Variants in CCDC91 observed in about 807,000 individuals in gnomAD.
CCDC91 encodes the protein coiled-coil domain containing 91.
A neutral mutation model predicts 63.2 loss-of-function variants in CCDC91; 48 were observed. The observed-to-expected ratio is 0.76, with a 90% CI of 0.60 to 0.97. CCDC91 has a LOEUF of 0.97. CCDC91 is among the 50% of genes least tolerant of loss of function. The pLI is 0.00. For missense variants in CCDC91, 500 were observed against 494.6 expected, an observed-to-expected ratio of 1.01 and a Z score of -0.10; for synonymous variants, 167 against 165.8, an observed-to-expected ratio of 1.01 and a Z score of -0.06.
At position 28,504,570 on chromosome 12, in the gene CCDC91, G is replaced by A. The variant is rs1162556150; in HGVS notation, c.1215+20405G>A. Among the ~76,000 whole-genome samples the A allele has an allele frequency of 7.9e-5, 12 of 151,712 alleles. No individual in the cohort carries two copies. The East Asian group carries it at 1.2e-3, about 15-fold the overall frequency. On this transcript the variant is annotated intron_variant, in intron 12 of 12. Transcript: ENST00000536442. ...ATATATTCAGAATCTGATATATATTGCTGTGAACTCTTATCAACTCTTGCT... is the reference window on the plus strand; with the variant it reads ...ATATATTCAGAATCTGATATATATTACTGTGAACTCTTATCAACTCTTGCT...
chr12:28,199,489 TAC>T (rs1341334017), intron 1 of CCDC91, among the ~76,000 whole-genome samples: 1 of 152,190 alleles, frequency 6.6e-6, no homozygotes, highest in Non-Finnish European at 1.5e-5. Flanking sequence ...CAACCAAACA[TAC>T]ATTTATATTT....
chr12:28,296,925 C>A (rs1246094673), intron 3 of CCDC91, among the ~76,000 whole-genome samples: 1 of 151,696 alleles, frequency 6.6e-6, no homozygotes, highest in Non-Finnish European at 1.5e-5. Flanking sequence ...GTGGGTTCAA[C>A]AACATAGACC....
chr12:28,423,673 A>G (rs1283095195), intron 8 of CCDC91, among the ~76,000 whole-genome samples: 1 of 152,152 alleles, frequency 6.6e-6, no homozygotes, highest in African/African-American at 2.4e-5. Context: ...TACAGTAAAA[A>G]CTTCTGCATC....
chr12:28,242,895 C>G lies in CCDC91; in HGVS notation c.-14-14307C>G, dbSNP rs113417682. ...GTTTAAAAGTGTGTAGCGCCTGCCC[C>G]CCTCTTGCTCCTACTTCTGACATGT... is the stretch of plus-strand genomic sequence containing the variant. On this transcript the variant is annotated intron_variant, in intron 1 of 12. Transcript: ENST00000536442. 2.0e-5 allele frequency among the ~76,000 whole-genome samples: 3 copies of G among 152,168 alleles called. 1 individual carries two copies. Among genetic ancestry groups the G allele is most frequent in the African/African-American group, 7.2e-5 (3 of 41,526 alleles).
intron 1 of CCDC91, among the ~76,000 whole-genome samples, chr12:28,216,495 G>A (rs767690541): frequency 6.6e-6 from 1 of 151,874 alleles, no homozygotes; most frequent in Non-Finnish European, 1.5e-5. Flanking sequence ...GGGAACTTAT[G>A]TGTAATGAAC....
chr12:28,291,737 A>AT (rs1189985527), intron 3 of CCDC91, among the ~76,000 whole-genome samples: 5 of 152,170 alleles, frequency 3.3e-5, no homozygotes, highest in East Asian at 1.9e-4. Context: ...CAAAATGATG[A>AT]TTTTTTTGAT....
At chr12:28,432,198 A>G (rs1469622696) in intron 8 of CCDC91, among the ~76,000 whole-genome samples, 1 of 152,014 alleles carries the variant, frequency 6.6e-6, no homozygotes, top group Non-Finnish European at 1.5e-5. Context: ...GCGCTGAATA[A>G]TAGTTCATTC....
intron 12 of CCDC91, among the ~76,000 whole-genome samples, chr12:28,516,597 C>T (rs1939974293): frequency 6.6e-6 from 1 of 151,816 alleles, no homozygotes; most frequent in Admixed American, 6.6e-5. Context: ...GAATGAGACC[C>T]TGTCTTAAAA....
chr12:28,441,057 CAAAAAAAAAA>C (rs60278449), intron 8 of CCDC91, among the ~76,000 whole-genome samples: 2 of 52,698 alleles, frequency 3.8e-5, no homozygotes, highest in South Asian at 1.2e-3. Context: ...GACTCCATCT[CAAAAAAAAAA>C]AAAAAAAAAA....
chr12:28,243,976 A>G (rs991668890), intron 1 of CCDC91, among the ~76,000 whole-genome samples: 4 of 152,216 alleles, frequency 2.6e-5, no homozygotes, highest in African/African-American at 7.2e-5. Flanking sequence ...ACAGATGACA[A>G]TTACAGATGT....
chr12:28,207,842 T>C (rs1942964146), intron 1 of CCDC91, among the ~76,000 whole-genome samples: 1 of 152,184 alleles, frequency 6.6e-6, no homozygotes, highest in African/African-American at 2.4e-5. Flanking sequence ...CATGAGTCCA[T>C]GCTTAACATT....
intron 3 of CCDC91, among the ~76,000 whole-genome samples, chr12:28,272,470 C>CTA (rs1947849048): frequency 7.0e-6 from 1 of 143,200 alleles, no homozygotes; most frequent in East Asian, 2.4e-4. Flanking sequence ...TGTCCATTAA[C>CTA]CTCTTTTTCA....
chr12:28,301,767 C>G (rs1938106278), intron 3 of CCDC91, among the ~76,000 whole-genome samples: 1 of 151,446 alleles, frequency 6.6e-6, no homozygotes, highest in Admixed American at 6.6e-5. Context: ...AATATTTAAT[C>G]AGATCAACTT....
intron 7 of CCDC91, among the ~76,000 whole-genome samples, chr12:28,382,844 A>T (rs1945375387): frequency 6.6e-6 from 1 of 152,044 alleles, no homozygotes; most frequent in Non-Finnish European, 1.5e-5. Flanking sequence ...GATTATGAAG[A>T]GGTTATTTTG....
At chr12:28,339,923 T>C (rs773074510) in intron 6 of CCDC91, among the ~76,000 whole-genome samples, 4 of 152,328 alleles carry the variant, frequency 2.6e-5, no homozygotes, top group African/African-American at 4.8e-5. Flanking sequence ...GTAATAGTTA[T>C]TGTGAGGATC....
intron 8 of CCDC91, among the ~76,000 whole-genome samples, chr12:28,438,028 A>G (rs1948998878): frequency 6.6e-6 from 1 of 152,188 alleles, no homozygotes; most frequent in South Asian, 2.1e-4. Context: ...ATTTTTAGGA[A>G]TAGGAATTGT....
chr12:28,256,888 A>G, intron 1 of CCDC91: 1 of 244,052 alleles, frequency 4.1e-6, no homozygotes, highest in South Asian at 6.1e-5. Flanking sequence ...GAATAGATGC[A>G]AAAAGCAGGA....
At chr12:28,499,623 G>GCGATAGTTTAC (rs1952514343) in intron 12 of CCDC91, among the ~76,000 whole-genome samples, 1 of 149,138 alleles carries the variant, frequency 6.7e-6, no homozygotes, top group Non-Finnish European at 1.5e-5. Flanking sequence ...TTCTGTTCTT[G>GCGATAGTTTAC]TGAGAATAAT....
chr12:28,481,801 CT>C (rs1371777059), intron 11 of CCDC91, among the ~76,000 whole-genome samples: 1 of 151,938 alleles, frequency 6.6e-6, no homozygotes, highest in Non-Finnish European at 1.5e-5. Context: ...TGTAAATGGT[CT>C]TTTGCCAGCT....
Sources: allele counts gnomAD v4.1 joint callset (sites outside exome capture counted in the v4.1 genomes callset), GRCh38; gene constraint gnomAD v4.1.1; transcripts MANE v1.5; gene names NCBI Gene and HGNC (gene_info 2026-07-23, HGNC 2026-07-21).